The following WDR1 variants were observed in gnomAD, a reference collection of about 807,000 sequenced individuals.
WDR1 encodes the protein WD repeat domain 1, also known as WD repeat-containing protein 1.
Under a neutral mutation model 71.9 loss-of-function variants are expected in WDR1, and 21 were observed. The observed-to-expected ratio is 0.29, with a 90% CI of 0.21 to 0.42. The LOEUF is 0.42. Among genes scored for constraint, WDR1 ranks in the 10% least tolerant of loss-of-function variants. The pLI is 1.00. For synonymous variants in WDR1, 424 were observed against 347.4 expected (o/e 1.22, Z -2.45); for missense variants, 696 against 824.5 (o/e 0.84, Z 1.91).
chr4:10,104,505 G>C (rs553666339), intron 2 of WDR1, among the ~76,000 whole-genome samples: 7 of 152,146 alleles, frequency 4.6e-5, no homozygotes, highest in Non-Finnish European at 8.8e-5. Context: ...CAAAAACTTG[G>C]GTTTGGAAAG....
Position 10,075,001 on chromosome 4 carries a change from G to C in WDR1, c.*377C>G, listed in dbSNP as rs747027414. ...CTGCAGGCAGGAACATGAGCCCCCCGGCTCATTCACCTGTACAACCTCCCC... is the reference window on the plus strand; with the variant it reads ...CTGCAGGCAGGAACATGAGCCCCCCCGCTCATTCACCTGTACAACCTCCCC... On this transcript the variant is annotated 3_prime_UTR_variant, in exon 15 of 15. Coordinates refer to ENST00000499869, the MANE Select transcript of WDR1 (RefSeq NM_017491.5). 1.3e-5 allele frequency: 4 copies of C among 300,858 alleles called. No individual in the cohort carries two copies. The South Asian group carries it at 3.1e-4, about 23-fold the overall frequency. 18.6% of individuals were successfully genotyped at this position (300,858 alleles called of 1,614,324 possible).
chr4:10,099,229 A>G, intron 3 of WDR1, 90 bp from the exon 4 acceptor site: 1 of 1,155,466 alleles, frequency 8.7e-7, no homozygotes, highest in Non-Finnish European at 1.2e-6. Context: ...GGCCAGGGCC[A>G]CGTGGCCATA....
chr4:10,083,614 G>C (rs1225447642), intron 9 of WDR1: 1 of 485,868 alleles, frequency 2.1e-6, no homozygotes, highest in South Asian at 1.5e-5. Context: ...ATGCGGACCA[G>C]AGCTGTCCAC....
At chr4:10,084,369 C>G (rs930148300) in intron 9 of WDR1, 74 bp downstream of exon 9, 2 of 1,440,916 alleles carry the variant, frequency 1.4e-6, no homozygotes, top group Non-Finnish European at 1.9e-6. Flanking sequence ...GGCCTGGCCT[C>G]TGGCATCATG....
At chr4:10,111,024 C>T (rs1271901838) in intron 2 of WDR1, among the ~76,000 whole-genome samples, 1 of 152,242 alleles carries the variant, frequency 6.6e-6, no homozygotes, top group Admixed American at 6.5e-5. Flanking sequence ...ATGGCTGCAC[C>T]ACGCAACGGA....
intron 8 of WDR1, 125 bp from the exon 9 acceptor site, chr4:10,084,655 C>G: frequency 1.1e-6 from 1 of 879,260 alleles, no homozygotes; most frequent in Non-Finnish European, 1.8e-6. Flanking sequence ...CATGGCAGTG[C>G]AGGTGCTCTG....
chr4:10,084,797 C>T (rs1205622380), intron 8 of WDR1, among the ~76,000 whole-genome samples: 1 of 152,212 alleles, frequency 6.6e-6, no homozygotes, highest in Non-Finnish European at 1.5e-5. Context: ...AGACCTGGGC[C>T]CAGACCTGCG....
chr4:10,079,314 G>A (rs142539447), intron 11 of WDR1, among the ~76,000 whole-genome samples: 17 of 152,354 alleles, frequency 1.1e-4, no homozygotes, highest in African/African-American at 3.8e-4. Context: ...GGGAATCAAC[G>A]TTCAGGGTAA....
At chr4:10,106,468 G>A (rs964565834) in intron 2 of WDR1, 7 of 152,262 alleles carry the variant, frequency 4.6e-5, no homozygotes, top group Non-Finnish European at 1.0e-4. Flanking sequence ...CTCACATACA[G>A]GGGCACCTGC....
At chr4:10,097,083 G>A (rs561587673) in intron 5 of WDR1, among the ~76,000 whole-genome samples, 1 of 152,362 alleles carries the variant, frequency 6.6e-6, no homozygotes, top group Non-Finnish European at 1.5e-5. Context: ...CTCAGATGCT[G>A]CTGGCCCCGG....
chr4:10,113,819 A>G (rs1048051783), intron 2 of WDR1, among the ~76,000 whole-genome samples: 1 of 152,242 alleles, frequency 6.6e-6, no homozygotes, highest in Non-Finnish European at 1.5e-5. Context: ...ACAGGAGTCC[A>G]AGGTTTGGGG....
chr4:10,078,932 C>T lies in WDR1; in HGVS notation c.1354G>A (p.Ala452Thr). The part of the protein sequence containing the change: ...DNPGYEPEVV[A>T]VHPGGDTVAI... Reference sequence around the variant, plus strand: ...ACCGTGTCCCCGCCGGGGTGCACTGCCACAACTTCGGGCTCGTAGCCGGGG... The same window carrying T: ...ACCGTGTCCCCGCCGGGGTGCACTGTCACAACTTCGGGCTCGTAGCCGGGG... Residue 452 changes from alanine (A) to threonine (T), a missense_variant, in exon 12 of 15, where the codon GCA becomes ACA. Physicochemically the swap from Ala to Thr is moderately conservative, Grantham distance 58. Coordinates refer to ENST00000499869, the MANE Select transcript of WDR1 (RefSeq NM_017491.5). 6.2e-7 allele frequency: 1 copy of T among 1,612,990 alleles called. No homozygotes were observed. The highest frequency in any genetic ancestry group is 8.5e-7 in the Non-Finnish European group (1 of 1,179,410).
intron 2 of WDR1, among the ~76,000 whole-genome samples, chr4:10,114,077 T>A (rs973684223): frequency 3.3e-5 from 5 of 152,040 alleles, no homozygotes; most frequent in Admixed American, 1.3e-4. Context: ...CTAAAAAAAA[T>A]CGTACCCACC....
chr4:10,101,237 G>A (rs1578439959), intron 3 of WDR1, among the ~76,000 whole-genome samples: 2 of 152,338 alleles, frequency 1.3e-5, no homozygotes, highest in African/African-American at 2.4e-5. Context: ...CCAGAGTGCC[G>A]GAGGCTCCCA....
intron 2 of WDR1, among the ~76,000 whole-genome samples, chr4:10,107,533 C>T (rs764691736): frequency 6.6e-6 from 1 of 152,206 alleles, no homozygotes; most frequent in African/African-American, 2.4e-5. Flanking sequence ...CGTTGCCAGC[C>T]ACTCCTTGGG....
chr4:10,116,250 T>C lies in WDR1; in HGVS notation c.17-16A>G, dbSNP rs774436093. ...AACACCTTCTCTGCGGAGACACAAA[T>C]GCGGCGGGGCATGTCAGGGCAGGGC... On this transcript the variant is annotated splice_polypyrimidine_tract_variant and intron_variant, in intron 1 of 14. Coordinates refer to ENST00000499869, the MANE Select transcript of WDR1 (RefSeq NM_017491.5). 4 of 1,612,860 alleles carry C rather than the reference T, an allele frequency of 2.5e-6. No individual in the cohort carries two copies. The highest frequency in any genetic ancestry group is 1.7e-5 in the Admixed American group (1 of 59,984).
intron 12 of WDR1, 72 bp from the exon 13 acceptor site, chr4:10,077,998 G>A (rs991270481): frequency 2.5e-5 from 36 of 1,464,236 alleles, no homozygotes; most frequent in Non-Finnish European, 3.1e-5. Context: ...GTGAAGGGGG[G>A]GTCGAGGGCT....
intron 3 of WDR1, among the ~76,000 whole-genome samples, chr4:10,101,202 G>C (rs145444429): frequency 0.014 from 2,192 of 152,378 alleles, 22 homozygotes; most frequent in Non-Finnish European, 0.02. Context: ...GTGCACTGAG[G>C]ACTGCCCCGT....
At chr4:10,113,708 G>A (rs1025326333) in intron 2 of WDR1, among the ~76,000 whole-genome samples, 11 of 152,248 alleles carry the variant, frequency 7.2e-5, no homozygotes, top group Non-Finnish European at 1.6e-4. Flanking sequence ...GGAGGCAGAG[G>A]AAGCCAGGGA....
Sources: gnomAD v4.1 joint callset for allele counts (sites outside exome capture counted in the v4.1 genomes callset) on GRCh38, gnomAD v4.1.1 for gene constraint, MANE v1.5 for transcripts, NCBI Gene and HGNC (gene_info 2026-07-23, HGNC 2026-07-21) for gene names.